Variants in PALS1 observed in about 807,000 individuals in gnomAD.
The protein encoded by PALS1 is protein PALS1.
Under a neutral mutation model 78.9 loss-of-function variants are expected in PALS1, and 31 were observed. The ratio of observed to expected loss-of-function variants is 0.39; its 90% CI spans 0.30 to 0.53. The LOEUF (loss-of-function observed/expected upper bound fraction) is 0.53, where lower values mean the gene tolerates loss of function less well. Among genes scored for constraint, PALS1 ranks in the 20% least tolerant of loss-of-function variants. The pLI, the probability that PALS1 is intolerant of heterozygous loss-of-function variation, is 0.67. For synonymous variants in PALS1, 276 were observed against 270.9 expected (o/e 1.02, Z -0.18); for missense variants, 704 against 826.5 (o/e 0.85, Z 1.82).
chr14:67,286,619 G>A (rs905944889), intron 3 of PALS1, among the ~76,000 whole-genome samples: 2 of 151,914 alleles, frequency 1.3e-5, no homozygotes, highest in African/African-American at 4.8e-5. Context: ...ACTTTGGGAG[G>A]CCGAGGTGGG....
At chr14:67,331,045 TATTTCTTTCTTTTTTTTGAGA>T (rs2085441382) in intron 14 of PALS1, among the ~76,000 whole-genome samples, 1 of 152,072 alleles carries the variant, frequency 6.6e-6, no homozygotes, top group African/African-American at 2.4e-5. Flanking sequence ...TCTCCTGTGA[TATTTCTTTCTTTTTTTTGAGA>T]CAGAGTCTCA....
In PALS1 at chr14:67,335,135, A is replaced by C. The variant is rs1297561588; in HGVS notation, c.*2179A>C. 6.6e-6 allele frequency: 1 copy of C among 152,190 alleles called. No individual in the cohort carries two copies. Among genetic ancestry groups the C allele is most frequent in the Non-Finnish European group, 1.5e-5 (1 of 68,024 alleles). 9.4% of individuals were successfully genotyped at this position (152,190 alleles called of 1,614,324 possible). On this transcript the variant is annotated 3_prime_UTR_variant, in exon 15 of 15. Transcript: ENST00000261681. ...GGAAGTCTGAGATGATAAATATTTC[A>C]AGGTCAGTGAAGTCTATCAATCATT...
In PALS1 at chr14:67,320,265, A is replaced by G. The variant is rs1456134297; in HGVS notation, c.1405A>G (p.Met469Val). Residue 469 changes from methionine to valine, a missense_variant, in exon 12 of 15, where the codon ATG becomes GTG. Physicochemically the swap from Met to Val is conservative, Grantham distance 21 (BLOSUM62 1). Coordinates refer to ENST00000261681, the MANE Select transcript of PALS1 (RefSeq NM_022474.4). ...DNEEILTYEE[M>V]SLYHQPANRK... Reference sequence around the variant, plus strand: ...CGAGGAGATCTTAACCTATGAGGAAATGTCACTTTATCATCAGCCAGCAAA... The same window carrying G: ...CGAGGAGATCTTAACCTATGAGGAAGTGTCACTTTATCATCAGCCAGCAAA... The G allele has an allele frequency of 6.2e-7, 1 of 1,613,406 alleles. No homozygotes were observed. Among genetic ancestry groups the G allele is most frequent in the African/African-American group, 1.3e-5 (1 of 74,878 alleles).
intron 1 of PALS1, among the ~76,000 whole-genome samples, chr14:67,249,558 A>G (rs1166286795): frequency 6.6e-6 from 1 of 152,244 alleles, no homozygotes; most frequent in Admixed American, 6.5e-5. Flanking sequence ...GAAATAATTA[A>G]GGAGAGTCAG....
chr14:67,273,002 T>G (rs2084432953), intron 2 of PALS1, among the ~76,000 whole-genome samples: 1 of 149,916 alleles, frequency 6.7e-6, no homozygotes, highest in African/African-American at 2.5e-5. Flanking sequence ...TGAAAACAAC[T>G]TCTTCATTCT....
chr14:67,287,604 G>C (rs1349225121), intron 3 of PALS1, among the ~76,000 whole-genome samples: 1 of 152,208 alleles, frequency 6.6e-6, no homozygotes, highest in East Asian at 1.9e-4. Context: ...AACGCTGGTA[G>C]GGGTATGAAT....
intron 1 of PALS1, among the ~76,000 whole-genome samples, chr14:67,255,699 G>C (rs1422913606): frequency 6.6e-6 from 1 of 152,158 alleles, no homozygotes; most frequent in Non-Finnish European, 1.5e-5. Flanking sequence ...TTTTGTTTTT[G>C]AGATGGAGTC....
intron 2 of PALS1, among the ~76,000 whole-genome samples, chr14:67,275,992 G>T (rs2084496909): frequency 1.3e-5 from 2 of 151,970 alleles, no homozygotes; most frequent in South Asian, 2.1e-4. Context: ...TTTATTGCAT[G>T]TATTTGATTC....
chr14:67,298,372 G>A (rs1197149108), intron 4 of PALS1, among the ~76,000 whole-genome samples: 1 of 151,974 alleles, frequency 6.6e-6, no homozygotes, highest in Non-Finnish European at 1.5e-5. Context: ...AAAACTAGTT[G>A]GGTGTGGTGG....
chr14:67,329,202 A>T (rs1206653009), intron 14 of PALS1, among the ~76,000 whole-genome samples: 2 of 152,142 alleles, frequency 1.3e-5, no homozygotes, highest in African/African-American at 4.8e-5. Flanking sequence ...CATCCCTTGT[A>T]AGTTGGATTC....
At chr14:67,243,495 T>A (rs1251944086) in intron 1 of PALS1, among the ~76,000 whole-genome samples, 2 of 145,542 alleles carry the variant, frequency 1.4e-5, no homozygotes, top group Non-Finnish European at 3.0e-5. Context: ...TATAATTTTT[T>A]TTTTTTTTTT....
chr14:67,316,758 C>A, intron 9 of PALS1, 74 bp from the exon 10 acceptor site: 2 of 1,225,606 alleles, frequency 1.6e-6, no homozygotes, highest in Non-Finnish European at 1.1e-6. Context: ...AGTGTTTTCC[C>A]TTCTTGATTA....
chr14:67,292,903 C>T (rs1371600688), intron 4 of PALS1, among the ~76,000 whole-genome samples, 184 bp downstream of exon 4: 3 of 152,086 alleles, frequency 2.0e-5, no homozygotes, highest in Non-Finnish European at 4.4e-5. Flanking sequence ...AAAAAGTTTA[C>T]TTCAGAGTCA....
chr14:67,257,598 TA>T (rs937316883), intron 1 of PALS1, among the ~76,000 whole-genome samples: 33 of 145,602 alleles, frequency 2.3e-4, no homozygotes, highest in East Asian at 5.9e-4. Flanking sequence ...AACAGATAAC[TA>T]AAAAAAAAAG....
chr14:67,277,416 C>T (rs1272720424), intron 2 of PALS1, among the ~76,000 whole-genome samples: 1 of 152,102 alleles, frequency 6.6e-6, no homozygotes, highest in African/African-American at 2.4e-5. Flanking sequence ...AGCATTTTGT[C>T]TTCTGTCCCT....
At chr14:67,304,565 A>G (rs2084974474) in intron 8 of PALS1, among the ~76,000 whole-genome samples, 1 of 152,256 alleles carries the variant, frequency 6.6e-6, no homozygotes, top group African/African-American at 2.4e-5. Flanking sequence ...TGGTTCATTT[A>G]TATAAAATGT....
rs1294762924 is a variant in PALS1, at chr14:67,335,313, A to G, written c.*2357A>G. ...AGAATATGGAAAAAAGCCTTGCTGT[A>G]CACCTAGTTGTACAGCCACTCTGGC... On this transcript the variant is annotated 3_prime_UTR_variant, in exon 15 of 15. Coordinates refer to ENST00000261681, the MANE Select transcript of PALS1 (RefSeq NM_022474.4). 1 of 152,224 alleles carries G rather than the reference A, an allele frequency of 6.6e-6. No individual in the cohort carries two copies. Among genetic ancestry groups the G allele is most frequent in the Non-Finnish European group, 1.5e-5 (1 of 68,042 alleles). 9.4% of individuals were successfully genotyped at this position (152,224 alleles called of 1,614,324 possible).
intron 14 of PALS1, among the ~76,000 whole-genome samples, chr14:67,331,997 T>A (rs2141067008): frequency 6.6e-6 from 1 of 152,362 alleles, no homozygotes; most frequent in East Asian, 1.9e-4. Context: ...ATATGTTTTC[T>A]TACTGTTACA....
intron 1 of PALS1, among the ~76,000 whole-genome samples, chr14:67,256,095 C>T (rs1361882201): frequency 1.3e-5 from 2 of 151,992 alleles, no homozygotes; most frequent in Admixed American, 1.3e-4. Flanking sequence ...GCAACACATA[C>T]TTTTTTTGTG....
Sources: gnomAD v4.1 joint callset for allele counts (sites outside exome capture counted in the v4.1 genomes callset) on GRCh38, gnomAD v4.1.1 for gene constraint, MANE v1.5 for transcripts, NCBI Gene and HGNC (gene_info 2026-07-23, HGNC 2026-07-21) for gene names.